Variants in SORCS2 observed in about 807,000 individuals in gnomAD.
SORCS2 encodes sortilin related VPS10 domain containing receptor 2.
A neutral mutation model predicts 141.6 loss-of-function variants in SORCS2; 100 were observed. The ratio of observed to expected loss-of-function variants is 0.71; its 90% CI spans 0.60 to 0.83. The LOEUF is 0.83. Ranked by LOEUF, SORCS2 falls within the 40% of genes least tolerant of loss-of-function variation. SORCS2 has a pLI of 0.00. For missense variants in SORCS2, 1,646 were observed against 1,560.2 expected (o/e 1.05, Z -0.93); for synonymous variants, 789 against 676.9 (o/e 1.17, Z -2.57).
chr4:7,530,242 G>C (rs1246588724), intron 2 of SORCS2, among the ~76,000 whole-genome samples: 1 of 152,236 alleles, frequency 6.6e-6, no homozygotes, highest in East Asian at 1.9e-4. Context: ...GCCCCCAGAG[G>C]ACAAACTAGG....
At chr4:7,373,277 A>C (rs753218560) in intron 1 of SORCS2, among the ~76,000 whole-genome samples, 29 of 150,952 alleles carry the variant, frequency 1.9e-4, no homozygotes, top group Non-Finnish European at 3.8e-4. Flanking sequence ...CATTCTAATA[A>C]GTGTGTAGTG....
At chr4:7,700,677 C>T (rs187434271) in intron 12 of SORCS2, among the ~76,000 whole-genome samples, 6 of 152,276 alleles carry the variant, frequency 3.9e-5, no homozygotes, top group East Asian at 3.9e-4. Context: ...CAGAGGATCC[C>T]GGCATGACAA....
chr4:7,458,825 GTCT>G (rs1423043635), intron 2 of SORCS2, among the ~76,000 whole-genome samples: 5 of 152,212 alleles, frequency 3.3e-5, no homozygotes, highest in Admixed American at 3.3e-4. Flanking sequence ...GGTCAGGGGA[GTCT>G]TCTTGGTGGA....
chr4:7,389,409 G>A lies in SORCS2; in HGVS notation c.481-6879G>A, dbSNP rs118154328. On this transcript the variant is annotated intron_variant, in intron 1 of 26. Transcript: ENST00000507866. ...GAGACTCAGGCCGGCCACTGCCCGT[G>A]GGCCCCACTGATGGGACTTCTTACA... is the stretch of plus-strand genomic sequence containing the variant. 9.4e-3 allele frequency among the ~76,000 whole-genome samples: 1,428 copies of A among 152,248 alleles called. 92 individuals are homozygous for A. The East Asian group carries it at 0.17, about 18-fold the overall frequency.
At chr4:7,611,933 GGAGGCCAGT>G (rs1418687905) in intron 3 of SORCS2, among the ~76,000 whole-genome samples, 1 of 152,248 alleles carries the variant, frequency 6.6e-6, no homozygotes, top group Non-Finnish European at 1.5e-5. Flanking sequence ...GAGAGGCCAG[GGAGGCCAGT>G]GAGGTGCTGA....
Position 7,569,437 on chromosome 4 carries a change from G to C in SORCS2, c.648+37808G>C, listed in dbSNP as rs184555435. ...TGGGGCAGGAGAATTGCTTGAACCT[G>C]GGAGGCGGAGGTTGCGGTGAGCTGA... is the stretch of plus-strand genomic sequence containing the variant. On this transcript the variant is annotated intron_variant, in intron 3 of 26. Coordinates refer to ENST00000507866, the MANE Select transcript of SORCS2 (RefSeq NM_020777.3). Among the ~76,000 whole-genome samples the C allele has an allele frequency of 5.4e-4, 82 of 152,312 alleles. 2 individuals are homozygous for C. The Middle Eastern group carries it at 0.024, about 44-fold the overall frequency.
At chr4:7,355,413 A>C (rs1721186159) in intron 1 of SORCS2, among the ~76,000 whole-genome samples, 1 of 152,200 alleles carries the variant, frequency 6.6e-6, no homozygotes, top group Non-Finnish European at 1.5e-5. Context: ...TACAACAAAA[A>C]TCCCCCCAAA....
At chr4:7,587,598 T>G (rs181534330) in intron 3 of SORCS2, among the ~76,000 whole-genome samples, 1 of 152,198 alleles carries the variant, frequency 6.6e-6, no homozygotes, top group African/African-American at 2.4e-5. Flanking sequence ...GGGGTTTCCA[T>G]AGAGACCAGG....
At chr4:7,318,636 G>A (rs758645106) in intron 1 of SORCS2, among the ~76,000 whole-genome samples, 2 of 152,180 alleles carry the variant, frequency 1.3e-5, no homozygotes, top group South Asian at 2.1e-4. Context: ...AGTAACTGGT[G>A]CATGGCTAGT....
Position 7,725,241 on chromosome 4 carries a change from A to C in SORCS2, c.2699A>C (p.Asn900Thr), listed in dbSNP as rs779205763. Residue 900 changes from asparagine (N) to threonine (T), a missense_variant, in exon 20 of 27, where the codon AAC becomes ACC. Physicochemically the swap from Asn to Thr is moderately conservative, Grantham distance 65. Transcript: ENST00000507866. ...CTCACAGCTGTGCTGCTTCCCTTGAACCCTAACCTCACCGTCTTCTACTGG... is the reference window on the plus strand; with the variant it reads ...CTCACAGCTGTGCTGCTTCCCTTGACCCCTAACCTCACCGTCTTCTACTGG... The part of the protein sequence containing the change: ...VNLTAVLLPL[N>T]PNLTVFYWWI... The C allele has an allele frequency of 6.2e-7, 1 of 1,613,322 alleles. No individual in the cohort carries two copies. The highest frequency in any genetic ancestry group is 1.7e-5 in the Admixed American group (1 of 59,968).
At position 7,686,703 on chromosome 4, in the gene SORCS2, C is replaced by A. The variant is rs149218770; in HGVS notation, c.1489-2783C>A. On this transcript the variant is annotated intron_variant, in intron 10 of 26. Coordinates refer to ENST00000507866, the MANE Select transcript of SORCS2 (RefSeq NM_020777.3). ...CACCTGTGCAGGACATCCTGGTGCC[C>A]CATGGGCAGGCACCTCCAAGCCTGC... is the stretch of plus-strand genomic sequence containing the variant. Among the ~76,000 whole-genome samples, 424 of 152,336 alleles carry A rather than the reference C, an allele frequency of 2.8e-3. 4 individuals are homozygous for A. The highest frequency in any genetic ancestry group is 9.3e-3 in the African/African-American group (385 of 41,580).
At chr4:7,357,514 G>T (rs549683397) in intron 1 of SORCS2, among the ~76,000 whole-genome samples, 2 of 152,212 alleles carry the variant, frequency 1.3e-5, no homozygotes, top group African/African-American at 4.8e-5. Flanking sequence ...TTCCGGAGGC[G>T]TTGATTACGC....
intron 1 of SORCS2, among the ~76,000 whole-genome samples, chr4:7,321,202 T>G (rs2108944194): frequency 6.6e-6 from 1 of 152,308 alleles, no homozygotes; most frequent in East Asian, 1.9e-4. Context: ...GTATTTGGTT[T>G]TCTGTTCCTA....
At chr4:7,455,431 T>A (rs1728831574) in intron 2 of SORCS2, among the ~76,000 whole-genome samples, 3 of 103,324 alleles carry the variant, frequency 2.9e-5, no homozygotes, top group Admixed American at 1.1e-4. Context: ...GGGTCAGTGC[T>A]GTGTGTTGGG....
intron 1 of SORCS2, among the ~76,000 whole-genome samples, chr4:7,334,210 A>G (rs894964951): frequency 2.0e-5 from 3 of 152,134 alleles, no homozygotes; most frequent in Non-Finnish European, 4.4e-5. Context: ...TGGGCCTGGC[A>G]GTGAGGCTCT....
intron 4 of SORCS2, among the ~76,000 whole-genome samples, chr4:7,643,295 C>T (rs902008376): frequency 2.0e-5 from 3 of 152,166 alleles, no homozygotes; most frequent in Non-Finnish European, 2.9e-5. Flanking sequence ...CCCAGCAGTC[C>T]CTTCCCACGC....
intron 3 of SORCS2, among the ~76,000 whole-genome samples, chr4:7,564,696 C>G (rs1051813992): frequency 1.3e-5 from 2 of 152,216 alleles, no homozygotes; most frequent in African/African-American, 4.8e-5. Flanking sequence ...CAGCATCCAT[C>G]CCAGTTTTCA....
At chr4:7,336,189 C>T (rs563254574) in intron 1 of SORCS2, among the ~76,000 whole-genome samples, 72 of 152,320 alleles carry the variant, frequency 4.7e-4, no homozygotes, top group African/African-American at 1.6e-3. Context: ...TGCCCTGCGT[C>T]CTGGTCGATT....
chr4:7,257,234 C>T (rs900496367), intron 1 of SORCS2, among the ~76,000 whole-genome samples: 6 of 152,022 alleles, frequency 3.9e-5, no homozygotes, highest in Admixed American at 6.5e-5. Flanking sequence ...ACCAGCAGGA[C>T]GGATCGGCGG....
Sources: gnomAD v4.1 joint callset for allele counts (sites outside exome capture counted in the v4.1 genomes callset) on GRCh38, gnomAD v4.1.1 for gene constraint, MANE v1.5 for transcripts, NCBI Gene and HGNC (gene_info 2026-07-23, HGNC 2026-07-21) for gene names.